The following FOXP1 variants were observed in gnomAD, a reference collection of about 807,000 sequenced individuals.
FOXP1 encodes forkhead box protein P1.
Under a neutral mutation model 98.2 loss-of-function variants are expected in FOXP1, and 15 were observed. The observed-to-expected ratio is 0.15, with a 90% CI of 0.10 to 0.24. The LOEUF (loss-of-function observed/expected upper bound fraction) is 0.24. Among genes scored for constraint, FOXP1 ranks in the 10% least tolerant of loss-of-function variants. FOXP1 has a pLI of 1.00. For synonymous variants in FOXP1, 371 were observed against 314.5 expected, an observed-to-expected ratio of 1.18 and a Z score of -1.90; for missense variants, 633 against 848.5, an observed-to-expected ratio of 0.75 and a Z score of 3.15.
chr3:71,303,907 G>C (rs529219410), intron 4 of FOXP1, among the ~76,000 whole-genome samples: 1 of 152,110 alleles, frequency 6.6e-6, no homozygotes, highest in Non-Finnish European at 1.5e-5. Flanking sequence ...CTGTGCAGCC[G>C]GGGTCTCTGA....
At chr3:71,432,910 G>A (rs2084866292) in intron 3 of FOXP1, among the ~76,000 whole-genome samples, 1 of 147,860 alleles carries the variant, frequency 6.8e-6, no homozygotes, top group South Asian at 2.1e-4. Flanking sequence ...ACTATTCTTT[G>A]CAATGTTTCC....
chr3:71,146,333 T>C (rs1415954649), intron 6 of FOXP1, among the ~76,000 whole-genome samples: 3 of 152,120 alleles, frequency 2.0e-5, no homozygotes, highest in Non-Finnish European at 4.4e-5. Flanking sequence ...CTCCTTATAT[T>C]AAAAAATGAC....
At chr3:71,389,266 G>GGT (rs1158481882) in intron 3 of FOXP1, among the ~76,000 whole-genome samples, 17 of 93,608 alleles carry the variant, frequency 1.8e-4, no homozygotes, top group Non-Finnish European at 2.6e-4. Flanking sequence ...GGGGGGGCGG[G>GGT]TTATAAATTT....
At chr3:71,041,222 A>G (rs2048294150) in intron 11 of FOXP1, 106 bp downstream of exon 11, 4 of 874,734 alleles carry the variant, frequency 4.6e-6, no homozygotes, top group Non-Finnish European at 7.8e-6. Context: ...TGCACATTCA[A>G]GTCACATGGA....
intron 9 of FOXP1, among the ~76,000 whole-genome samples, chr3:71,049,023 G>A (rs956522849): frequency 1.3e-5 from 2 of 152,032 alleles, no homozygotes; most frequent in African/African-American, 2.4e-5. Context: ...AGCAACACCG[G>A]TTGCCAAACT....
chr3:71,161,957 A>G (rs1184078911), intron 6 of FOXP1, among the ~76,000 whole-genome samples: 4 of 152,086 alleles, frequency 2.6e-5, no homozygotes, highest in Non-Finnish European at 5.9e-5. Flanking sequence ...AGCAACTAAA[A>G]GAAGGATGCA....
chr3:71,047,071 A>C lies in FOXP1; in HGVS notation c.535T>G (p.Leu179Val). The C allele has an allele frequency of 1.2e-6, 2 of 1,614,072 alleles. No individual in the cohort carries two copies. The highest frequency in any genetic ancestry group is 1.7e-6 in the Non-Finnish European group (2 of 1,179,952). ...KEQQQVATQQLAFQQQLLQMQ... is the reference protein window; with the variant it reads ...KEQQQVATQQVAFQQQLLQMQ... ...TGTAAAAGCTGCTGCTGAAAAGCCA[A>C]CTGCTGGGTAGCCACCTGCTGTTGC... The change falls in exon 10 of 21, where the codon TTG becomes GTG. Residue 179 changes from leucine (L) to valine (V), a missense_variant. Leu to Val is a conservative substitution (Grantham distance 32, BLOSUM62 1). Transcript: ENST00000649528.
At chr3:71,531,515 GA>G (rs1403725853) in intron 2 of FOXP1, among the ~76,000 whole-genome samples, 1 of 152,122 alleles carries the variant, frequency 6.6e-6, no homozygotes, top group East Asian at 1.9e-4. Context: ...CAAAAAAAAA[GA>G]AGGAAGGAAA....
Position 71,091,565 on chromosome 3 carries a change from A to G in FOXP1, c.282+20971T>C, listed in dbSNP as rs564221732. Among the ~76,000 whole-genome samples, 7 of 152,288 alleles carry G rather than the reference A, an allele frequency of 4.6e-5. No individual in the cohort carries two copies. In the East Asian group the frequency reaches 1.4e-3, roughly 29 times the overall value. ...GAGCTTTACTTGGACAAGGTCCCAG[A>G]GATGGTAAATGATGGTTTTTAGAAT... is the stretch of plus-strand genomic sequence containing the variant. On this transcript the variant is annotated intron_variant, in intron 7 of 20. Coordinates refer to ENST00000649528, the MANE Select transcript of FOXP1 (RefSeq NM_001349338.3).
At chr3:71,494,476 G>A (rs2091273008) in intron 2 of FOXP1, among the ~76,000 whole-genome samples, 1 of 152,056 alleles carries the variant, frequency 6.6e-6, no homozygotes, top group South Asian at 2.1e-4. Context: ...AGTTTTTCAA[G>A]CGCTTAGAAT....
intron 17 of FOXP1, among the ~76,000 whole-genome samples, chr3:70,975,376 A>G (rs2037281486): frequency 6.6e-6 from 1 of 152,126 alleles, no homozygotes; most frequent in South Asian, 2.1e-4. Flanking sequence ...TTCAGTGCCC[A>G]TGTGTCTTAA....
At chr3:71,465,208 G>A (rs187205847) in intron 3 of FOXP1, among the ~76,000 whole-genome samples, 5 of 151,914 alleles carry the variant, frequency 3.3e-5, no homozygotes, top group African/African-American at 9.7e-5. Context: ...TTGGGAGGCT[G>A]AGACAGGAGA....
chr3:71,466,718 T>G (rs1281741940), intron 3 of FOXP1, among the ~76,000 whole-genome samples: 1 of 152,108 alleles, frequency 6.6e-6, no homozygotes, highest in African/African-American at 2.4e-5. Flanking sequence ...CCCCAGAGTT[T>G]ACAGGGAGAA....
intron 3 of FOXP1, among the ~76,000 whole-genome samples, chr3:71,417,220 C>A (rs542409207): frequency 2.1e-4 from 32 of 152,190 alleles, no homozygotes; most frequent in African/African-American, 7.5e-4. Context: ...TGAGCCCAGT[C>A]GTCCACACGA....
Position 71,513,524 on chromosome 3 carries a change from C to T in FOXP1, c.-297-19969G>A, listed in dbSNP as rs546460631. 5.9e-5 allele frequency among the ~76,000 whole-genome samples: 9 copies of T among 152,290 alleles called. No homozygotes were observed. In the East Asian group the frequency reaches 1.4e-3, roughly 23 times the overall value. On this transcript the variant is annotated intron_variant, in intron 2 of 20. Transcript: ENST00000649528. The stretch of plus-strand genomic sequence containing the variant: ...TCCCTGCTCCTTCTCTTACCCCACC[C>T]GTGGTCTATTCTCAACACGGTAGCA...
intron 5 of FOXP1, among the ~76,000 whole-genome samples, chr3:71,279,193 A>AAAAAAAC: frequency 8.9e-6 from 1 of 111,762 alleles, no homozygotes; most frequent in Non-Finnish European, 2.0e-5. Flanking sequence ...AAAAAAAAAA[A>AAAAAAAC]GAAAGAAATA....
chr3:71,582,320 G>A, intron 1 of FOXP1: 1 of 970,758 alleles, frequency 1.0e-6, no homozygotes, highest in Non-Finnish European at 1.2e-6. Flanking sequence ...AGGGAAGGCG[G>A]AGGCAGCAAA....
intron 7 of FOXP1, among the ~76,000 whole-genome samples, chr3:71,092,649 G>A (rs1269095379): frequency 2.6e-5 from 4 of 152,056 alleles, no homozygotes; most frequent in Admixed American, 2.0e-4. Flanking sequence ...TCTTAAGCCT[G>A]CACAAATAAA....
At chr3:71,542,886 A>G (rs2044985669) in intron 2 of FOXP1, among the ~76,000 whole-genome samples, 1 of 152,232 alleles carries the variant, frequency 6.6e-6, no homozygotes, top group South Asian at 2.1e-4. Flanking sequence ...GCATGGAGGC[A>G]AGAGTGGAGG....
Sources: allele counts gnomAD v4.1 joint callset (sites outside exome capture counted in the v4.1 genomes callset), GRCh38; gene constraint gnomAD v4.1.1; transcripts MANE v1.5; gene names NCBI Gene and HGNC (gene_info 2026-07-23, HGNC 2026-07-21).